COL25A1: variants seen among roughly 807,000 people sequenced by gnomAD.
The protein encoded by COL25A1 is collagen type XXV alpha 1 chain, also known as collagen alpha-1(XXV) chain.
Under a neutral mutation model 128.4 loss-of-function variants are expected in COL25A1, and 103 were observed. The ratio of observed to expected loss-of-function variants is 0.80; its 90% confidence interval spans 0.68 to 0.94. COL25A1 has a LOEUF of 0.94. Among genes scored for constraint, COL25A1 ranks in the 40% least tolerant of loss-of-function variants. COL25A1 has a pLI of 0.00. For synonymous variants in COL25A1, 279 were observed against 277.2 expected (o/e 1.01, Z -0.06); for missense variants, 745 against 840.0 (o/e 0.89, Z 1.40).
chr4:108,994,193 T>C (rs1318070948), intron 6 of COL25A1, among the ~76,000 whole-genome samples: 1 of 152,206 alleles, frequency 6.6e-6, no homozygotes, highest in African/African-American at 2.4e-5. Flanking sequence ...GGGATTTCCC[T>C]TTCCTAGCCA....
At chr4:109,096,913 G>C (rs1458413199) in intron 3 of COL25A1, among the ~76,000 whole-genome samples, 1 of 152,114 alleles carries the variant, frequency 6.6e-6, no homozygotes, top group Non-Finnish European at 1.5e-5. Context: ...TCATTAATCG[G>C]GGCATCCTCC....
intron 13 of COL25A1, among the ~76,000 whole-genome samples, chr4:108,905,287 A>G (rs529844676): frequency 1.4e-4 from 21 of 152,286 alleles, no homozygotes; most frequent in Admixed American, 1.2e-3. Flanking sequence ...GCAAAATACA[A>G]TTTTAAAGAT....
At chr4:109,169,788 A>G (rs562225796) in intron 3 of COL25A1, among the ~76,000 whole-genome samples, 1 of 152,186 alleles carries the variant, frequency 6.6e-6, no homozygotes, top group Non-Finnish European at 1.5e-5. Flanking sequence ...AAAAGGGAAA[A>G]GAGCAAAAGA....
At chr4:109,009,230 C>A (rs1756347555) in intron 6 of COL25A1, among the ~76,000 whole-genome samples, 1 of 152,214 alleles carries the variant, frequency 6.6e-6, no homozygotes, top group Non-Finnish European at 1.5e-5. Flanking sequence ...AGCAAACAAG[C>A]TATAACTTTC....
chr4:109,212,828 T>C (rs533581944), intron 3 of COL25A1, among the ~76,000 whole-genome samples: 2 of 152,306 alleles, frequency 1.3e-5, no homozygotes, highest in East Asian at 3.9e-4. Context: ...GTATGGTACA[T>C]GCTCAAAAAA....
At chr4:109,013,044 T>G (rs1425669430) in intron 5 of COL25A1, among the ~76,000 whole-genome samples, 1 of 152,198 alleles carries the variant, frequency 6.6e-6, no homozygotes, top group African/African-American at 2.4e-5. Context: ...ATCAGCACTC[T>G]GTATCTAGCT....
intron 3 of COL25A1, among the ~76,000 whole-genome samples, chr4:109,134,256 G>A (rs1236218600): frequency 1.3e-5 from 2 of 151,836 alleles, no homozygotes; most frequent in African/African-American, 2.4e-5. Context: ...GAGATGATAG[G>A]TTTTTATAGT....
chr4:108,902,737 C>T (rs1008610094), intron 13 of COL25A1, among the ~76,000 whole-genome samples: 3 of 151,932 alleles, frequency 2.0e-5, no homozygotes, highest in Non-Finnish European at 4.4e-5. Flanking sequence ...TAAAGTCACA[C>T]TGTAATTGTA....
chr4:109,290,681 C>T (rs1724386454), intron 3 of COL25A1, among the ~76,000 whole-genome samples: 1 of 152,064 alleles, frequency 6.6e-6, no homozygotes, highest in Non-Finnish European at 1.5e-5. Context: ...GTATCAGGGG[C>T]GTCCAATCTT....
chr4:108,904,919 A>T (rs1046403274), intron 13 of COL25A1, among the ~76,000 whole-genome samples: 33 of 151,706 alleles, frequency 2.2e-4, no homozygotes, highest in African/African-American at 6.1e-4. Context: ...TTTTTTTTTT[A>T]AAAAAACAAC....
intron 3 of COL25A1, among the ~76,000 whole-genome samples, chr4:109,150,006 G>A (rs1190783281): frequency 1.3e-5 from 2 of 151,328 alleles, no homozygotes; most frequent in African/African-American, 4.9e-5. Context: ...GTGGGTGTGT[G>A]TGTGTGTATG....
At chr4:108,927,433 G>A (rs538924988) in intron 11 of COL25A1, among the ~76,000 whole-genome samples, 25 of 152,052 alleles carry the variant, frequency 1.6e-4, no homozygotes, top group Non-Finnish European at 1.8e-4. Flanking sequence ...TATGTTTAGC[G>A]GCTTTCCACC....
chr4:108,996,196 C>A (rs1483709980), intron 6 of COL25A1, among the ~76,000 whole-genome samples: 2 of 150,598 alleles, frequency 1.3e-5, no homozygotes, highest in African/African-American at 4.9e-5. Flanking sequence ...GAGTCAGGAC[C>A]CATCGGTGTG....
chr4:109,184,074 G>A (rs1193197011), intron 3 of COL25A1, among the ~76,000 whole-genome samples: 2 of 152,098 alleles, frequency 1.3e-5, no homozygotes, highest in African/African-American at 4.8e-5. Context: ...CATTTCAGAG[G>A]TAGGAAAGCA....
chr4:108,878,708 T>A (rs1202510408), intron 19 of COL25A1, among the ~76,000 whole-genome samples: 1 of 152,202 alleles, frequency 6.6e-6, no homozygotes, highest in Non-Finnish European at 1.5e-5. Flanking sequence ...CAGGTTTATT[T>A]AAAATCCAGA....
chr4:109,264,355 A>G (rs1781653684), intron 3 of COL25A1, among the ~76,000 whole-genome samples: 2 of 152,220 alleles, frequency 1.3e-5, no homozygotes, highest in South Asian at 4.1e-4. Context: ...TTTAGAAAGA[A>G]CACTCTGGGT....
chr4:109,055,803 C>T (rs1761400713), intron 3 of COL25A1, among the ~76,000 whole-genome samples: 1 of 152,200 alleles, frequency 6.6e-6, no homozygotes, highest in African/African-American at 2.4e-5. Flanking sequence ...AACATTATTT[C>T]ATACTATTAT....
At chr4:109,265,786 G>A (rs1462751784) in intron 3 of COL25A1, among the ~76,000 whole-genome samples, 2 of 152,012 alleles carry the variant, frequency 1.3e-5, no homozygotes, top group Non-Finnish European at 2.9e-5. Flanking sequence ...TTTAAAACAG[G>A]CAACATTAAG....
intron 5 of COL25A1, among the ~76,000 whole-genome samples, chr4:109,012,994 T>TGTAGA (rs1756798311): frequency 6.6e-6 from 1 of 152,224 alleles, no homozygotes; most frequent in Admixed American, 6.5e-5. Flanking sequence ...TATGCACCAA[T>TGTAGA]CAGCACTCTG....
Sources: allele counts gnomAD v4.1 joint callset (sites outside exome capture counted in the v4.1 genomes callset), GRCh38; gene constraint gnomAD v4.1.1; transcripts MANE v1.5; gene names NCBI Gene and HGNC (gene_info 2026-07-23, HGNC 2026-07-21).